The following RASA2 variants were observed in gnomAD, a reference collection of about 807,000 sequenced individuals.
RASA2 encodes ras GTPase-activating protein 2.
In RASA2, 155 loss-of-function variants were observed where a neutral mutation model predicts 118.2. The observed-to-expected ratio is 1.31, with a 90% CI of 1.15 to 1.50. The LOEUF (loss-of-function observed/expected upper bound fraction) is 1.50. Ranked by LOEUF, RASA2 falls within the 40% of genes most tolerant of loss-of-function variation. The probability of loss-of-function intolerance (pLI) is 0.00; values close to 1 mark genes in which losing one functional copy is unlikely to be tolerated. For synonymous variants in RASA2, 353 were observed against 349.1 expected (o/e 1.01, Z -0.12); for missense variants, 1,016 against 1,009.6 (o/e 1.01, Z -0.09).
intron 3 of RASA2, among the ~76,000 whole-genome samples, chr3:141,521,719 C>T (rs1166399545): frequency 1.3e-5 from 2 of 151,834 alleles, no homozygotes; most frequent in African/African-American, 4.8e-5. Flanking sequence ...AATGTTTATT[C>T]TTTCTAAGGG....
At chr3:141,513,329 A>T (rs2151081829) in intron 2 of RASA2, among the ~76,000 whole-genome samples, 1 of 152,178 alleles carries the variant, frequency 6.6e-6, no homozygotes, top group Non-Finnish European at 1.5e-5. Flanking sequence ...GTATTGTATA[A>T]AACTGAAAAT....
intron 1 of RASA2, among the ~76,000 whole-genome samples, chr3:141,503,742 G>C (rs1404121693): frequency 6.6e-6 from 1 of 152,156 alleles, no homozygotes; most frequent in Non-Finnish European, 1.5e-5. Flanking sequence ...TAAGGACACA[G>C]ACTTTTTGTC....
intron 1 of RASA2, among the ~76,000 whole-genome samples, chr3:141,490,369 C>CAGAAAAGA (rs1439234807): frequency 2.1e-5 from 3 of 142,174 alleles, no homozygotes; most frequent in Non-Finnish European, 4.6e-5. Context: ...CGTATTCAAA[C>CAGAAAAGA]AGAAAAGAGG....
At chr3:141,538,869 A>G (rs986040624) in intron 4 of RASA2, among the ~76,000 whole-genome samples, 6 of 152,212 alleles carry the variant, frequency 3.9e-5, no homozygotes, top group African/African-American at 9.6e-5. Context: ...TTGACTTGCT[A>G]TAATACTATG....
chr3:141,543,752 G>A (rs1347616022), intron 5 of RASA2, among the ~76,000 whole-genome samples: 2 of 151,766 alleles, frequency 1.3e-5, no homozygotes, highest in Non-Finnish European at 2.9e-5. Context: ...GGTTTCTGAT[G>A]TGAAGTTCAT....
At chr3:141,538,760 A>G (rs1361763380) in intron 4 of RASA2, among the ~76,000 whole-genome samples, 3 of 152,192 alleles carry the variant, frequency 2.0e-5, no homozygotes, top group Non-Finnish European at 4.4e-5. Context: ...TTAATACCTA[A>G]GGAATGTTTT....
chr3:141,516,638 C>G (rs2082030788), intron 3 of RASA2, among the ~76,000 whole-genome samples: 1 of 152,120 alleles, frequency 6.6e-6, no homozygotes, highest in South Asian at 2.1e-4. Context: ...TTGCAGCTCC[C>G]CTAGTCACTA....
intron 5 of RASA2, among the ~76,000 whole-genome samples, chr3:141,547,031 T>G (rs2082495844): frequency 6.6e-6 from 1 of 152,176 alleles, no homozygotes; most frequent in African/African-American, 2.4e-5. Context: ...TGTTTCTAGG[T>G]TCTCTGTAAT....
At chr3:141,503,629 A>T (rs1324489628) in intron 1 of RASA2, among the ~76,000 whole-genome samples, 1 of 152,142 alleles carries the variant, frequency 6.6e-6, no homozygotes, top group Admixed American at 6.5e-5. Flanking sequence ...GCCTTCCTTG[A>T]GCTACCTCAT....
chr3:141,533,716 C>A (rs2082289811), intron 4 of RASA2, among the ~76,000 whole-genome samples: 1 of 152,100 alleles, frequency 6.6e-6, no homozygotes, highest in South Asian at 2.1e-4. Flanking sequence ...TTGTTAGTAA[C>A]ATTTCATGAG....
At chr3:141,607,880 T>C in intron 20 of RASA2, 120 bp downstream of exon 20, 1 of 1,160,360 alleles carries the variant, frequency 8.6e-7, no homozygotes, top group Non-Finnish European at 1.1e-6. Context: ...GATATTTGTA[T>C]TCAAATTTTC....
Position 141,512,169 on chromosome 3 carries a change from CA to C in RASA2, c.146del (p.Asn49IlefsTer11). The C allele has an allele frequency of 6.2e-7, 1 of 1,605,030 alleles. No homozygotes were observed. The highest frequency in any genetic ancestry group is 8.5e-7 in the Non-Finnish European group (1 of 1,175,672). On this transcript the variant is annotated frameshift_variant, in exon 2 of 24. Transcript: ENST00000286364. LOFTEE classifies it high-confidence loss of function. ...TTAAATTTTATGCCAACAGGTGAAG[CA>C]AAAAATTTATTGCCATATCTTGGAC... ...LQSLRGKICE[A>X]KNLLPYLGPH...
chr3:141,510,918 G>T (rs1034223473), intron 1 of RASA2, among the ~76,000 whole-genome samples: 5 of 152,184 alleles, frequency 3.3e-5, no homozygotes, highest in Non-Finnish European at 5.9e-5. Context: ...GTAACCTAAA[G>T]AATATGTTTC....
intron 19 of RASA2, among the ~76,000 whole-genome samples, chr3:141,592,931 T>C (rs2083309634): frequency 6.6e-6 from 1 of 150,720 alleles, no homozygotes; most frequent in Non-Finnish European, 1.5e-5. Context: ...GTCCTGGTAG[T>C]GGTAGAGAAG....
chr3:141,496,030 G>A (rs542382644), intron 1 of RASA2, among the ~76,000 whole-genome samples: 1 of 152,150 alleles, frequency 6.6e-6, no homozygotes, highest in Admixed American at 6.6e-5. Context: ...CATAAAAAGA[G>A]GTCTGAACAG....
intron 19 of RASA2, among the ~76,000 whole-genome samples, chr3:141,599,712 A>G (rs2083434425): frequency 6.6e-6 from 1 of 152,100 alleles, no homozygotes; most frequent in African/African-American, 2.4e-5. Flanking sequence ...TCCTTATGTG[A>G]TAAAGGAGGC....
At chr3:141,572,552 ATT>A in intron 11 of RASA2, 55 bp from the exon 12 acceptor site, 1 of 1,225,390 alleles carries the variant, frequency 8.2e-7, no homozygotes, top group African/African-American at 1.5e-5. Context: ...AGTATGTTAT[ATT>A]ATTGGTTTCA....
intron 19 of RASA2, among the ~76,000 whole-genome samples, chr3:141,600,896 A>T (rs951601284): frequency 6.6e-6 from 1 of 152,210 alleles, no homozygotes; most frequent in Non-Finnish European, 1.5e-5. Flanking sequence ...AGCTAATTTA[A>T]AGACTTACTG....
chr3:141,610,069 G>T lies in RASA2; in HGVS notation c.2519+3G>T. 3 of 1,566,634 alleles carry T rather than the reference G, an allele frequency of 1.9e-6. No homozygotes were observed. The highest frequency in any genetic ancestry group is 1.2e-5 in the South Asian group (1 of 83,624). On this transcript the variant is annotated splice_donor_region_variant and intron_variant, in intron 23 of 23. Coordinates refer to ENST00000286364, the MANE Select transcript of RASA2 (RefSeq NM_006506.5). ...AGTAGTGCAAAATATGGGAGCAAGT[G>T]AGTAATTTTTAAGCTATTGTAAACA...
Sources: allele counts gnomAD v4.1 joint callset (sites outside exome capture counted in the v4.1 genomes callset), GRCh38; gene constraint gnomAD v4.1.1; transcripts MANE v1.5; gene names NCBI Gene and HGNC (gene_info 2026-07-23, HGNC 2026-07-21).